The following ATG7 variants were observed in gnomAD, a reference collection of about 807,000 sequenced individuals.
The protein encoded by ATG7 is autophagy related 7.
ATG7 carries 70 observed loss-of-function variants against 82.4 expected under a neutral mutation model. That is an observed-to-expected ratio of 0.85 (90% CI 0.70 to 1.04). The LOEUF (loss-of-function observed/expected upper bound fraction) is 1.04. Ranked by LOEUF, ATG7 falls within the 50% of genes least tolerant of loss-of-function variation. The pLI, the probability that ATG7 is intolerant of heterozygous loss-of-function variation, is 0.00. For synonymous variants in ATG7, 287 were observed against 313.0 expected (o/e 0.92, Z 0.88); for missense variants, 792 against 864.3 (o/e 0.92, Z 1.05).
chr3:11,383,952 C>T (rs2152855655), intron 19 of ATG7, among the ~76,000 whole-genome samples: 1 of 152,238 alleles, frequency 6.6e-6, no homozygotes, highest in Non-Finnish European at 1.5e-5. Flanking sequence ...CAAATGTATA[C>T]ACCCATGTAA....
In ATG7 at chr3:11,488,721, A is replaced by G. The variant is rs185555503; in HGVS notation, c.2079+61795A>G. On this transcript the variant is annotated intron_variant, in intron 20 of 20. Coordinates refer to ENST00000693202, the MANE Select transcript of ATG7 (RefSeq NM_001349232.2). ...AGGTTACATTTATTGATTTGCATAT[A>G]TTGAACCAGCCTTGCATCCCAGGGA... 7.1e-3 allele frequency among the ~76,000 whole-genome samples: 1,083 copies of G among 152,296 alleles called. 17 individuals are homozygous for G. Among genetic ancestry groups the G allele is most frequent in the African/African-American group, 0.025 (1,031 of 41,576 alleles).
At chr3:11,543,699 A>G (rs2071030118) in intron 20 of ATG7, among the ~76,000 whole-genome samples, 1 of 152,200 alleles carries the variant, frequency 6.6e-6, no homozygotes, top group Non-Finnish European at 1.5e-5. Context: ...CAGGAGTTGG[A>G]GACCAGCCTG....
chr3:11,504,366 T>C (rs1038424111), intron 20 of ATG7, among the ~76,000 whole-genome samples: 4 of 152,144 alleles, frequency 2.6e-5, no homozygotes, highest in African/African-American at 9.7e-5. Context: ...AAACAAAACA[T>C]TTGTCTCCTA....
intron 20 of ATG7, among the ~76,000 whole-genome samples, chr3:11,478,053 C>G (rs1031812283): frequency 5.9e-5 from 9 of 152,120 alleles, no homozygotes; most frequent in African/African-American, 2.2e-4. Flanking sequence ...GAGTAAATAG[C>G]ACAGTATGAT....
intron 18 of ATG7, among the ~76,000 whole-genome samples, chr3:11,378,174 C>T (rs544398518): frequency 1.1e-4 from 17 of 150,790 alleles, no homozygotes; most frequent in South Asian, 6.3e-4. Context: ...CCACCACACC[C>T]GGCTAATTAT....
chr3:11,308,729 C>T, intron 6 of ATG7: 1 of 527,740 alleles, frequency 1.9e-6, no homozygotes, highest in Non-Finnish European at 3.4e-6. Context: ...CTGGTTGCCC[C>T]CTCGGTGCTG....
At chr3:11,337,788 A>G (rs1486599720) in intron 11 of ATG7, among the ~76,000 whole-genome samples, 2 of 151,996 alleles carry the variant, frequency 1.3e-5, no homozygotes, top group Non-Finnish European at 2.9e-5. Context: ...TGAGCCCAGC[A>G]TCTGTAACCT....
chr3:11,467,529 T>C (rs2086958376), intron 20 of ATG7, among the ~76,000 whole-genome samples: 1 of 152,130 alleles, frequency 6.6e-6, no homozygotes, highest in South Asian at 2.1e-4. Context: ...GCATCCACCA[T>C]CGTGCCTGAC....
intron 5 of ATG7, among the ~76,000 whole-genome samples, chr3:11,302,208 TC>T (rs1946892081): frequency 6.6e-6 from 1 of 152,230 alleles, no homozygotes; most frequent in East Asian, 1.9e-4. Context: ...CTGTGCTACT[TC>T]AATAAGCTCT....
chr3:11,422,636 C>G (rs1044134612), intron 19 of ATG7, among the ~76,000 whole-genome samples: 7 of 151,622 alleles, frequency 4.6e-5, no homozygotes, highest in Admixed American at 3.9e-4. Context: ...CTAGAACTTT[C>G]CCTTGGCATT....
Position 11,456,462 on chromosome 3 carries a change from G to A in ATG7, c.2079+29536G>A, listed in dbSNP as rs532212711. On this transcript the variant is annotated intron_variant, in intron 20 of 20. Transcript: ENST00000693202. ...TGTGAACATTCGTGTACAAGTTGTT[G>A]TATGAAGTACACGTTTTTGTTGTTT... 2.2e-4 allele frequency among the ~76,000 whole-genome samples: 34 copies of A among 152,300 alleles called. 1 individual carries two copies. The South Asian group carries it at 6.8e-3, about 31-fold the overall frequency.
chr3:11,281,685 A>G (rs1943065077), intron 2 of ATG7, among the ~76,000 whole-genome samples: 1 of 151,710 alleles, frequency 6.6e-6, no homozygotes, highest in Admixed American at 6.6e-5. Flanking sequence ...GAGGCAGGAG[A>G]ATTGCTTGAA....
intron 20 of ATG7, among the ~76,000 whole-genome samples, chr3:11,509,244 G>A (rs1162986079): frequency 6.6e-6 from 1 of 152,186 alleles, no homozygotes; most frequent in African/African-American, 2.4e-5. Flanking sequence ...AGTACTTAGA[G>A]GCCAACTTGG....
intron 5 of ATG7, among the ~76,000 whole-genome samples, chr3:11,299,868 TGAA>T (rs1160160305): frequency 2.6e-5 from 4 of 152,052 alleles, no homozygotes; most frequent in Admixed American, 1.3e-4. Context: ...GATATATCCT[TGAA>T]GAATTTTTTT....
At chr3:11,308,923 T>C in intron 6 of ATG7, 61 bp from the exon 7 acceptor site, 1 of 1,471,730 alleles carries the variant, frequency 6.8e-7, no homozygotes, top group Non-Finnish European at 9.5e-7. Flanking sequence ...ACACTTCACC[T>C]GAGAGTGAGA....
At chr3:11,546,159 T>G in intron 20 of ATG7, among the ~76,000 whole-genome samples, 2 of 129,482 alleles carry the variant, frequency 1.5e-5, no homozygotes, top group African/African-American at 5.5e-5. Context: ...ATGCCAAAAC[T>G]GGATTTTTTT....
At chr3:11,366,375 C>G (rs1330049114) in intron 18 of ATG7, among the ~76,000 whole-genome samples, 1 of 152,124 alleles carries the variant, frequency 6.6e-6, no homozygotes, top group African/African-American at 2.4e-5. Context: ...GTGCCCCCCT[C>G]TGTCCCCCAC....
At chr3:11,454,819 G>A (rs191253544) in intron 20 of ATG7, among the ~76,000 whole-genome samples, 6 of 152,308 alleles carry the variant, frequency 3.9e-5, no homozygotes, top group African/African-American at 1.4e-4. Context: ...AAATGCTAAT[G>A]AGGTTAATGG....
chr3:11,308,887 A>G, intron 6 of ATG7, 97 bp from the exon 7 acceptor site: 1 of 1,147,536 alleles, frequency 8.7e-7, no homozygotes, highest in Non-Finnish European at 1.3e-6. Flanking sequence ...CCTGTAGGAA[A>G]GAAGAGCCTG....
Sources: allele counts gnomAD v4.1 joint callset (sites outside exome capture counted in the v4.1 genomes callset), GRCh38; gene constraint gnomAD v4.1.1; transcripts MANE v1.5; gene names NCBI Gene and HGNC (gene_info 2026-07-23, HGNC 2026-07-21).